LCP2: variants seen among roughly 807,000 people sequenced by gnomAD.
LCP2 encodes the protein lymphocyte cytosolic protein 2, also known as 76 kDa tyrosine phosphoprotein.
LCP2 carries 29 observed loss-of-function variants against 74.5 expected under a neutral mutation model. The ratio of observed to expected loss-of-function variants is 0.39; its 90% CI spans 0.29 to 0.53. The LOEUF is 0.53. Ranked by LOEUF, LCP2 falls within the 20% of genes least tolerant of loss-of-function variation. The pLI is 0.72. For missense variants in LCP2, 604 were observed against 634.6 expected (o/e 0.95, Z 0.52); for synonymous variants, 228 against 229.5 (o/e 0.99, Z 0.06).
chr5:170,258,046 A>C lies in LCP2; in HGVS notation c.1091T>G (p.Phe364Cys), dbSNP rs1761588592. The change falls in exon 16 of 21, where the codon TTC becomes TGC. Residue 364 changes from phenylalanine to cysteine, a missense_variant. Transcript: ENST00000046794. ...TGACAGAGCTACAAACCTTTCTGAG[A>C]ATGCTCCAGGCATGTGAGAGGATGG... ...PLPSSHMPGA[F>C]SESNSSFPQS... The C allele has an allele frequency of 6.2e-7, 1 of 1,613,846 alleles. No individual in the cohort carries two copies. Among genetic ancestry groups the C allele is most frequent in the Non-Finnish European group, 8.5e-7 (1 of 1,179,838 alleles).
At chr5:170,274,849 T>C (rs181097915) in intron 5 of LCP2, among the ~76,000 whole-genome samples, 3,966 of 151,762 alleles carry the variant, frequency 0.026, 74 homozygotes, top group Non-Finnish European at 0.037. Context: ...TGGTGGCGGG[T>C]GCCTGTAGTC....
chr5:170,276,414 C>G (rs1762008566), intron 3 of LCP2, among the ~76,000 whole-genome samples: 1 of 152,162 alleles, frequency 6.6e-6, no homozygotes. Flanking sequence ...CTCCCAGACT[C>G]CCACTTGGTG....
intron 7 of LCP2, among the ~76,000 whole-genome samples, chr5:170,270,047 T>C (rs1353875925): frequency 2.0e-5 from 3 of 152,158 alleles, no homozygotes; most frequent in Non-Finnish European, 2.9e-5. Flanking sequence ...AAGTATATTA[T>C]TTAAGAATAT....
chr5:170,287,813 AC>A, intron 3 of LCP2, 156 bp downstream of exon 3: 1 of 691,828 alleles, frequency 1.4e-6, no homozygotes, highest in South Asian at 1.7e-5. Context: ...TCTTCATGTA[AC>A]TTCTGTTCCC....
chr5:170,290,625 AC>A (rs1762272181), intron 2 of LCP2, among the ~76,000 whole-genome samples: 1 of 152,056 alleles, frequency 6.6e-6, no homozygotes, highest in Admixed American at 6.5e-5. Context: ...CCAACTGACA[AC>A]TGTTAGGACA....
At position 170,262,730 on chromosome 5, in the gene LCP2, C is replaced by T; in HGVS notation, c.831G>A (p.Glu277=). The T allele has an allele frequency of 6.2e-7, 1 of 1,613,904 alleles. No homozygotes were observed. Among genetic ancestry groups the T allele is most frequent in the East Asian group, 2.2e-5 (1 of 44,884 alleles). ...GAGGCTTTTGAATCTTGGGTAAATG[C>T]TCCCCGAGTGACCTGTGGAGTTCAG... ...PSIPAGRSLG[E]HLPKIQKPPL... is the part of the protein sequence containing the mutation. Residue 277 remains glutamate, a synonymous_variant, in exon 13 of 21, where the codon GAG becomes GAA. Coordinates refer to ENST00000046794, the MANE Select transcript of LCP2 (RefSeq NM_005565.5).
At position 170,262,856 on chromosome 5, in the gene LCP2, C is replaced by T. The variant is rs373086683; in HGVS notation, c.804G>A (p.Ser268=). 7.4e-6 allele frequency: 12 copies of T among 1,613,872 alleles called. No individual in the cohort carries two copies. Among genetic ancestry groups the T allele is most frequent in the Admixed American group, 3.3e-5 (2 of 59,998 alleles). The change falls in exon 12 of 21, where the codon TCG becomes TCA. Residue 268 remains serine, a synonymous_variant. Transcript: ENST00000046794. ...AACAGTCTTACCTTCCCGCTGGAAT[C>T]GAGGGCTGCAAGACAGGAGGAAAAA... The part of the protein sequence containing the change: ...GKKPPFSDKP[S]IPAGRSLGEH...
At chr5:170,275,248 A>G in intron 5 of LCP2, 72 bp downstream of exon 5, 2 of 1,534,496 alleles carry the variant, frequency 1.3e-6, no homozygotes, top group East Asian at 2.2e-5. Flanking sequence ...AGCCCCAGGA[A>G]CCAGAAAGGC....
In LCP2 at chr5:170,256,275, T is replaced by G. The variant is rs150454020; in HGVS notation, c.1150+251A>C. On this transcript the variant is annotated intron_variant, in intron 17 of 20. Coordinates refer to ENST00000046794, the MANE Select transcript of LCP2 (RefSeq NM_005565.5). The surrounding 1 kb of genome is among the most constrained non-coding windows in gnomAD (Gnocchi z 4.5). ...GTACATGTGTATGCATGTGTGTGTG[T>G]GCATGTATATGTGCATGTGTGTATG... Among the ~76,000 whole-genome samples the G allele has an allele frequency of 3.3e-3, 498 of 152,328 alleles. 4 individuals are homozygous for G. The highest frequency in any genetic ancestry group is 0.011 in the African/African-American group (463 of 41,556).
chr5:170,252,067 G>C (rs1761456681), intron 19 of LCP2: 1 of 197,486 alleles, frequency 5.1e-6, no homozygotes, highest in African/African-American at 2.3e-5. Flanking sequence ...CATCAACATG[G>C]ATGGCACGTC....
rs534361344 is a variant in LCP2 at position 170,261,565 on chromosome 5, T to C, written c.927-428A>G. Among the ~76,000 whole-genome samples, 227 of 152,286 alleles carry C rather than the reference T, an allele frequency of 1.5e-3. 1 individual carries two copies. The highest frequency in any genetic ancestry group is 2.4e-3 in the Non-Finnish European group (160 of 68,012). ...TTGTTTTTCCCAAGAAATGAAAACA[T>C]TTTAGGTAATATTCTCCCTTGCTCT... On this transcript the variant is annotated intron_variant, in intron 13 of 20. Transcript: ENST00000046794.
chr5:170,281,148 A>C (rs1368671333), intron 3 of LCP2, among the ~76,000 whole-genome samples: 1 of 152,124 alleles, frequency 6.6e-6, no homozygotes, highest in Non-Finnish European at 1.5e-5. Context: ...CAGCCAAGGG[A>C]GGCACCTTTC....
chr5:170,268,342 G>T (rs1438720206), intron 8 of LCP2, 43 bp downstream of exon 8: 2 of 298,712 alleles, frequency 6.7e-6, no homozygotes, highest in Non-Finnish European at 6.3e-6. Flanking sequence ...GGAAATAACT[G>T]CAGTGGACAC....
At chr5:170,293,791 C>T (rs1235821513) in intron 1 of LCP2, among the ~76,000 whole-genome samples, 3 of 152,192 alleles carry the variant, frequency 2.0e-5, no homozygotes, top group Non-Finnish European at 4.4e-5. Flanking sequence ...TATATTCAAT[C>T]TCATTATTCT....
chr5:170,253,862 T>G (rs1761501225), intron 17 of LCP2, among the ~76,000 whole-genome samples: 1 of 152,216 alleles, frequency 6.6e-6, no homozygotes, highest in Admixed American at 6.5e-5. Context: ...CCTCATCTTC[T>G]CTAAAACTCT....
intron 8 of LCP2, 90 bp from the exon 9 acceptor site, chr5:170,267,165 CTCATCT>C: frequency 7.8e-7 from 1 of 1,286,158 alleles, no homozygotes; most frequent in Non-Finnish European, 1.1e-6. Flanking sequence ...CTCACTTTTC[CTCATCT>C]TCATGTTCTG....
In LCP2 at chr5:170,256,478, A is replaced by T. The variant is rs76690465; in HGVS notation, c.1150+48T>A. On this transcript the variant is annotated intron_variant, in intron 17 of 20. Transcript: ENST00000046794. The surrounding 1 kb of genome is among the most constrained non-coding windows in gnomAD (Gnocchi z 4.5). ...TTTGGGACAGGTTAGGGATCCAGTC[A>T]TAAAGGCTTGATGGCTGAAGCACGT... 6.6e-7 allele frequency: 1 copy of T among 1,504,446 alleles called. No individual in the cohort carries two copies. Among genetic ancestry groups the T allele is most frequent in the African/African-American group, 1.4e-5 (1 of 72,618 alleles). 93.2% of individuals were successfully genotyped at this position (1,504,446 alleles called of 1,614,324 possible).
At chr5:170,263,705 C>T (rs968387796) in intron 10 of LCP2, among the ~76,000 whole-genome samples, 2 of 152,088 alleles carry the variant, frequency 1.3e-5, no homozygotes, top group Non-Finnish European at 2.9e-5. Context: ...ATAAATATGC[C>T]CTTTGTCTTC....
At chr5:170,296,574 C>T (rs1055547034) in intron 1 of LCP2, among the ~76,000 whole-genome samples, 2 of 152,178 alleles carry the variant, frequency 1.3e-5, no homozygotes, top group Non-Finnish European at 2.9e-5. Context: ...CAACAGAATC[C>T]GATGCCAGCC....
Sources: gnomAD v4.1 joint callset for allele counts (sites outside exome capture counted in the v4.1 genomes callset) on GRCh38, gnomAD v4.1.1 for gene constraint, Gnocchi (gnomAD v3.1) non-coding constraint, MANE v1.5 for transcripts, NCBI Gene and HGNC (gene_info 2026-07-23, HGNC 2026-07-21) for gene names.